ZPBP: variants seen among roughly 807,000 people sequenced by gnomAD.
ZPBP encodes zona pellucida binding protein.
A neutral mutation model predicts 44.8 loss-of-function variants in ZPBP; 26 were observed. That is an observed-to-expected ratio of 0.58 (90% CI 0.43 to 0.81). The LOEUF (loss-of-function observed/expected upper bound fraction) is 0.81, where lower values mean the gene tolerates loss of function less well. Among genes scored for constraint, ZPBP ranks in the 30% least tolerant of loss-of-function variants. The pLI is 0.00. For missense variants in ZPBP, 409 were observed against 434.0 expected (o/e 0.94, Z 0.51); for synonymous variants, 174 against 153.2 (o/e 1.14, Z -1.00).
intron 6 of ZPBP, among the ~76,000 whole-genome samples, chr7:50,003,699 A>C (rs1199624405): frequency 6.6e-6 from 1 of 152,190 alleles, no homozygotes; most frequent in Admixed American, 6.5e-5. Flanking sequence ...CAGAACTCAT[A>C]TAATGGAGTA....
At chr7:50,082,117 G>T (rs762511063) in intron 2 of ZPBP, among the ~76,000 whole-genome samples, 1 of 151,798 alleles carries the variant, frequency 6.6e-6, no homozygotes, top group Admixed American at 6.6e-5. Context: ...ATGTATGTGT[G>T]TGTACATGTA....
intron 7 of ZPBP, among the ~76,000 whole-genome samples, chr7:49,940,311 A>G (rs1188830956): frequency 6.6e-6 from 1 of 152,196 alleles, no homozygotes; most frequent in Non-Finnish European, 1.5e-5. Flanking sequence ...TATAATCAAC[A>G]GAAGAATATT....
chr7:49,924,136 A>AAATAATAAT lies in ZPBP; in HGVS notation n.411+11606_411+11614dup, dbSNP rs59183596. 1.7e-3 allele frequency among the ~76,000 whole-genome samples: 249 copies of AAATAATAAT among 149,452 alleles called. 2 individuals carry two copies. Among genetic ancestry groups the AAATAATAAT allele is most frequent in the African/African-American group, 5.7e-3 (231 of 40,416 alleles). On this transcript the variant is annotated intron_variant and non_coding_transcript_variant, in intron 1 of 2. Coordinates refer to the ZPBP transcript ENST00000465922. ...AGACTCTGTCTCAAATAATAATAAT[A>AAATAATAAT]AATAATAATAATAATAATAATAACA...
intron 2 of ZPBP, among the ~76,000 whole-genome samples, chr7:49,886,998 T>C (rs752946298): frequency 6.6e-6 from 1 of 152,190 alleles, no homozygotes; most frequent in Non-Finnish European, 1.5e-5. Context: ...CTTTTACCTA[T>C]ATTCAAGGCA....
intron 2 of ZPBP, among the ~76,000 whole-genome samples, chr7:49,881,585 C>G (rs1266275718): frequency 6.6e-6 from 1 of 152,136 alleles, no homozygotes; most frequent in Non-Finnish European, 1.5e-5. Context: ...AAAATGTGTG[C>G]TGTATCGTTT....
At chr7:49,929,584 G>A (rs1794378949) in intron 1 of ZPBP, among the ~76,000 whole-genome samples, 1 of 152,186 alleles carries the variant, frequency 6.6e-6, no homozygotes, top group Non-Finnish European at 1.5e-5. Context: ...TGTCCACCTG[G>A]ATAAGTACTG....
intron 2 of ZPBP, among the ~76,000 whole-genome samples, chr7:49,892,256 C>T (rs1415473686): frequency 6.6e-6 from 1 of 151,634 alleles, no homozygotes; most frequent in Non-Finnish European, 1.5e-5. Context: ...CCGTGTTAGC[C>T]AGGATGGTCT....
rs182960072 is a variant in ZPBP at position 50,009,289 on chromosome 7, C to T, written c.783+8951G>A. Among the ~76,000 whole-genome samples the T allele has an allele frequency of 1.6e-4, 24 of 147,718 alleles. No homozygotes were observed. The East Asian group carries it at 4.0e-3, about 25-fold the overall frequency. On this transcript the variant is annotated intron_variant, in intron 6 of 7. Transcript: ENST00000046087. The stretch of plus-strand genomic sequence containing the variant: ...GGGTATGTTTTGTAAATTCTTAAAA[C>T]TTAATTCTTCCCTGATATTTCAACG...
the ZPBP span, among the ~76,000 whole-genome samples, chr7:49,841,367 G>C: frequency 4.6e-5 from 7 of 151,320 alleles, no homozygotes; most frequent in African/African-American, 1.7e-4. Flanking sequence ...AGAACAGTCA[G>C]CTCAAAGTAC....
At chr7:50,088,333 A>C (rs1584206180) in intron 2 of ZPBP, among the ~76,000 whole-genome samples, 2 of 152,184 alleles carry the variant, frequency 1.3e-5, no homozygotes, top group Middle Eastern at 6.8e-3. Flanking sequence ...CTTATAAAGA[A>C]ACATAGGAAT....
intron 7 of ZPBP, among the ~76,000 whole-genome samples, chr7:49,950,501 C>T (rs1795294709): frequency 6.6e-6 from 1 of 151,650 alleles, no homozygotes; most frequent in Non-Finnish European, 1.5e-5. Context: ...ATACTTAAGA[C>T]ATTTTTGTAA....
At chr7:49,999,147 G>A (rs146823131) in intron 6 of ZPBP, among the ~76,000 whole-genome samples, 487 of 151,566 alleles carry the variant, frequency 3.2e-3, no homozygotes, top group Non-Finnish European at 5.7e-3. Context: ...TCAACCTGCC[G>A]CATATACATA....
chr7:49,981,478 T>C (rs1342341537), intron 7 of ZPBP, among the ~76,000 whole-genome samples: 1 of 61,736 alleles, frequency 1.6e-5, no homozygotes, highest in East Asian at 4.2e-4. Flanking sequence ...TAATTATATA[T>C]AATATATATT....
chr7:50,018,780 A>G (rs1584054051), intron 5 of ZPBP, among the ~76,000 whole-genome samples: 2 of 152,038 alleles, frequency 1.3e-5, no homozygotes, highest in African/African-American at 4.8e-5. Flanking sequence ...GTTGGATTTT[A>G]GTAGGGGCCA....
At chr7:49,976,721 A>G (rs1277603693) in intron 7 of ZPBP, among the ~76,000 whole-genome samples, 1 of 152,170 alleles carries the variant, frequency 6.6e-6, no homozygotes, top group Non-Finnish European at 1.5e-5. Context: ...TGACCCACGA[A>G]GTCTTCATGA....
At chr7:50,055,519 T>C (rs1329506299) in intron 4 of ZPBP, among the ~76,000 whole-genome samples, 1 of 152,128 alleles carries the variant, frequency 6.6e-6, no homozygotes, top group Non-Finnish European at 1.5e-5. Flanking sequence ...TAAATTGAAA[T>C]CTGAGTTCTT....
At chr7:49,985,541 C>T (rs1318441807) in intron 6 of ZPBP, among the ~76,000 whole-genome samples, 1 of 150,290 alleles carries the variant, frequency 6.7e-6, no homozygotes, top group Non-Finnish European at 1.5e-5. Context: ...AAATTAATTG[C>T]ATTTAAATTT....
intron 5 of ZPBP, among the ~76,000 whole-genome samples, chr7:50,024,770 A>C (rs545016710): frequency 6.6e-6 from 1 of 151,896 alleles, no homozygotes; most frequent in Non-Finnish European, 1.5e-5. Flanking sequence ...CCACACGAGG[A>C]CTCTAGTTAA....
chr7:50,019,004 TA>T lies in ZPBP; in HGVS notation c.707-689del, dbSNP rs1262899006. ...AATGTTCCTATTGTACTACAAGACT[TA>T]AAAAATACATGGAAAGAAATCTGAT... On this transcript the variant is annotated intron_variant, in intron 5 of 7. Transcript: ENST00000046087. Among the ~76,000 whole-genome samples the T allele has an allele frequency of 2.6e-5, 4 of 152,078 alleles. No homozygotes were observed. The East Asian group carries it at 7.7e-4, about 29-fold the overall frequency.
Sources: allele counts gnomAD v4.1 joint callset (sites outside exome capture counted in the v4.1 genomes callset), GRCh38; gene constraint gnomAD v4.1.1; transcripts MANE v1.5; gene names NCBI Gene and HGNC (gene_info 2026-07-23, HGNC 2026-07-21).